PARVB: variants seen among roughly 807,000 people sequenced by gnomAD.
PARVB encodes the protein parvin beta, also known as beta-parvin.
A neutral mutation model predicts 47.0 loss-of-function variants in PARVB; 46 were observed. That is an observed-to-expected ratio of 0.98 (90% CI 0.77 to 1.25). PARVB has a LOEUF of 1.25. Ranked by LOEUF, PARVB falls within the 50% of genes most tolerant of loss-of-function variation. The probability of loss-of-function intolerance (pLI) is 0.00; values close to 1 mark genes in which losing one functional copy is unlikely to be tolerated. For synonymous variants in PARVB, 196 were observed against 196.3 expected, an observed-to-expected ratio of 1.00 and a Z score of 0.01; for missense variants, 473 against 471.6, an observed-to-expected ratio of 1.00 and a Z score of -0.03.
intron 1 of PARVB, among the ~76,000 whole-genome samples, chr22:44,054,190 TAG>T (rs960048474): frequency 6.6e-6 from 1 of 152,124 alleles, no homozygotes; most frequent in Non-Finnish European, 1.5e-5. Context: ...GGCAGAAGGT[TAG>T]AGAGATTCTG....
At position 44,155,645 on chromosome 22, in the gene PARVB, G is replaced by A. The variant is rs140769696; in HGVS notation, c.844-2337G>A. 3.3e-4 allele frequency among the ~76,000 whole-genome samples: 51 copies of A among 152,302 alleles called. No individual in the cohort carries two copies. Among genetic ancestry groups the A allele is most frequent in the African/African-American group, 1.1e-3 (46 of 41,570 alleles). On this transcript the variant is annotated intron_variant, in intron 10 of 12. Transcript: ENST00000338758. This position sits in a 1 kb window ranked among gnomAD's most constrained non-coding sequence, Gnocchi z 4.8. ...TCCCTGGAAGTTAGTCCATGGAGAC[G>A]TGGGCATGGCAGCTCAATGTTGTTC...
At position 44,169,219 on chromosome 22, in the gene PARVB, T is replaced by C. The variant is rs1347174816; in HGVS notation, c.*541T>C. ...ATTAAAAATAAAAGGGTTTTGCAGT[T>C]TGAAAAACTTTAAAGTCCCAGAAGC... On this transcript the variant is annotated 3_prime_UTR_variant, in exon 13 of 13. Coordinates refer to ENST00000338758, the MANE Select transcript of PARVB (RefSeq NM_013327.5). 6.6e-6 allele frequency: 1 copy of C among 151,026 alleles called. No individual in the cohort carries two copies. Among genetic ancestry groups the C allele is most frequent in the Non-Finnish European group, 1.5e-5 (1 of 68,748 alleles). The allele number at this position is 151,026 out of a possible 1,614,324, so 9.4% of individuals were successfully genotyped here.
intron 1 of PARVB, among the ~76,000 whole-genome samples, chr22:44,073,271 C>T (rs1346514117): frequency 6.6e-6 from 1 of 152,172 alleles, no homozygotes; most frequent in Non-Finnish European, 1.5e-5. Context: ...GGGCGGATCA[C>T]CGGAGGTCAG....
chr22:44,108,934 A>G (rs1346276438), intron 3 of PARVB: 1 of 151,996 alleles, frequency 6.6e-6, no homozygotes. Context: ...TGGGTGTCAG[A>G]AAAAAAACAC....
chr22:44,068,347 G>T lies in PARVB; in HGVS notation c.113-25581G>T, dbSNP rs2051579730. On this transcript the variant is annotated intron_variant, in intron 1 of 12. Coordinates refer to ENST00000338758, the MANE Select transcript of PARVB (RefSeq NM_013327.5). The surrounding 1 kb of genome is among the most constrained non-coding windows in gnomAD (Gnocchi z 4.1). The stretch of plus-strand genomic sequence containing the variant: ...ACAGAGAGCCCGCCTGTGTCACCTG[G>T]TAGGGAGGGGCTGGGCCTGGTGTTA... Among the ~76,000 whole-genome samples the T allele has an allele frequency of 6.6e-6, 1 of 152,290 alleles. No homozygotes were observed. Among genetic ancestry groups the T allele is most frequent in the East Asian group, 1.9e-4 (1 of 5,176 alleles).
chr22:44,147,639 G>A (rs573203901), intron 8 of PARVB: 51 of 730,364 alleles, frequency 7.0e-5, no homozygotes, highest in East Asian at 1.0e-4. Flanking sequence ...TCTAGTCCAC[G>A]CTGTTCTGGT....
intron 11 of PARVB, 91 bp from the exon 12 acceptor site, chr22:44,163,767 G>A: frequency 8.7e-7 from 1 of 1,146,392 alleles, no homozygotes; most frequent in Admixed American, 2.0e-5. Flanking sequence ...CAGAGGCTCG[G>A]TCCTGTCCAT....
intron 11 of PARVB, among the ~76,000 whole-genome samples, chr22:44,158,312 T>C (rs969006746): frequency 2.0e-5 from 3 of 152,238 alleles, no homozygotes; most frequent in African/African-American, 7.2e-5. Context: ...TTGCGGTCTT[T>C]TCCATGGGAC....
In PARVB at chr22:44,161,111, T is replaced by TTG. The variant is rs757284719; in HGVS notation, c.946-2730_946-2729dup. ...CCATCTCGATTTGGGGTCAAGCCTG[T>TTG]TGTGTGTGTGTGTGTGTGCACGTGT... On this transcript the variant is annotated intron_variant, in intron 11 of 12. Transcript: ENST00000338758. Among the ~76,000 whole-genome samples, 135 of 150,366 alleles carry TTG rather than the reference T, an allele frequency of 9.0e-4. 2 individuals carry two copies. Among genetic ancestry groups the TTG allele is most frequent in the East Asian group, 7.6e-3 (39 of 5,132 alleles).
intron 1 of PARVB, among the ~76,000 whole-genome samples, chr22:44,031,936 GTC>G: frequency 6.6e-6 from 1 of 152,244 alleles, no homozygotes; most frequent in East Asian, 1.9e-4. Flanking sequence ...CTATGAAAAT[GTC>G]TCTGCCTTAG....
chr22:44,017,270 C>A (rs2050593492), intron 2 of PARVB, among the ~76,000 whole-genome samples: 1 of 152,134 alleles, frequency 6.6e-6, no homozygotes, highest in African/African-American at 2.4e-5. Flanking sequence ...AGTCTCTAGA[C>A]AAAGAGGTGC....
intron 1 of PARVB, among the ~76,000 whole-genome samples, chr22:44,055,159 C>T (rs76192293): frequency 2.6e-5 from 4 of 152,004 alleles, no homozygotes; most frequent in Non-Finnish European, 5.9e-5. Flanking sequence ...GAAGTACCCA[C>T]GTTCCTGCTA....
intron 1 of PARVB, chr22:44,086,592 A>G (rs1367032765): frequency 3.5e-5 from 7 of 201,290 alleles, no homozygotes; most frequent in Non-Finnish European, 6.2e-5. Flanking sequence ...GGATGTCAGA[A>G]AAGACTGCCC....
At chr22:44,020,937 T>C (rs1385757201), upstream of PARVB, among the ~76,000 whole-genome samples, 3 of 152,014 alleles carry the variant, frequency 2.0e-5, no homozygotes, top group African/African-American at 7.3e-5. Flanking sequence ...TGCACCACCA[T>C]ACCTGGCTAA....
chr22:44,061,334 G>A (rs1000732976), intron 1 of PARVB, among the ~76,000 whole-genome samples: 2 of 152,062 alleles, frequency 1.3e-5, no homozygotes, highest in African/African-American at 4.8e-5. Context: ...AGGAGGCTGA[G>A]GCTGGAGAAT....
intron 2 of PARVB, among the ~76,000 whole-genome samples, chr22:44,013,381 G>A (rs1490648070): frequency 1.3e-5 from 2 of 152,188 alleles, no homozygotes; most frequent in African/African-American, 4.8e-5. Flanking sequence ...TCAGTGGAAC[G>A]TCTGTTGACT....
intron 1 of PARVB, among the ~76,000 whole-genome samples, chr22:44,076,178 C>T (rs1052224799): frequency 6.6e-6 from 1 of 152,226 alleles, no homozygotes; most frequent in African/African-American, 2.4e-5. Flanking sequence ...ATGAGGTGGC[C>T]CTCTCAGAAA....
chr22:44,129,943 A>G (rs1427360341), intron 4 of PARVB, among the ~76,000 whole-genome samples: 2 of 152,232 alleles, frequency 1.3e-5, no homozygotes, highest in Non-Finnish European at 2.9e-5. Flanking sequence ...TCGAAGGGGT[A>G]TTCCGAGCCC....
chr22:44,098,822 T>C (rs1220453674), intron 2 of PARVB, among the ~76,000 whole-genome samples: 1 of 152,054 alleles, frequency 6.6e-6, no homozygotes, highest in African/African-American at 2.4e-5. Flanking sequence ...TTTTGTATTT[T>C]ATTTTATTTT....
Sources: allele counts gnomAD v4.1 joint callset (sites outside exome capture counted in the v4.1 genomes callset), GRCh38; gene constraint gnomAD v4.1.1; non-coding constraint Gnocchi (gnomAD v3.1); transcripts MANE v1.5; gene names NCBI Gene and HGNC (gene_info 2026-07-23, HGNC 2026-07-21).